C3orf33: variants seen among roughly 807,000 people sequenced by gnomAD.
C3orf33 encodes the protein AP-1 activity suppressor.
C3orf33 carries 23 observed loss-of-function variants against 28.7 expected under a neutral mutation model. The ratio of observed to expected loss-of-function variants is 0.80; its 90% CI spans 0.58 to 1.13. C3orf33 has a LOEUF of 1.13. Among genes scored for constraint, C3orf33 ranks in the 50% most tolerant of loss-of-function variants. The pLI, the probability that C3orf33 is intolerant of heterozygous loss-of-function variation, is 0.00. For synonymous variants in C3orf33, 119 were observed against 120.5 expected (o/e 0.99, Z 0.08); for missense variants, 327 against 353.4 (o/e 0.93, Z 0.60).
intron 3 of C3orf33, among the ~76,000 whole-genome samples, chr3:155,771,008 G>A (rs1750569152): frequency 1.1e-5 from 1 of 95,092 alleles, no homozygotes; most frequent in Non-Finnish European, 2.0e-5. Flanking sequence ...ACATAGTTTT[G>A]CTCTGCCACT....
At chr3:155,788,821 T>C (rs1274695619) in intron 2 of C3orf33, among the ~76,000 whole-genome samples, 3 of 152,146 alleles carry the variant, frequency 2.0e-5, no homozygotes, top group Non-Finnish European at 4.4e-5. Flanking sequence ...CTGGATGTCT[T>C]AGCCAGAGCA....
chr3:155,785,807 G>C (rs1751081817), intron 2 of C3orf33, among the ~76,000 whole-genome samples: 2 of 152,124 alleles, frequency 1.3e-5, no homozygotes, highest in Non-Finnish European at 2.9e-5. Flanking sequence ...GGGAGGTCTA[G>C]GTGGGCAGAT....
intron 2 of C3orf33, among the ~76,000 whole-genome samples, chr3:155,788,201 A>G (rs1405180871): frequency 1.3e-5 from 2 of 150,950 alleles, no homozygotes; most frequent in African/African-American, 2.4e-5. Flanking sequence ...AAAAAAAAAA[A>G]GGATAAAATA....
At chr3:155,789,293 C>T (rs1409969551) in intron 2 of C3orf33, among the ~76,000 whole-genome samples, 1 of 141,346 alleles carries the variant, frequency 7.1e-6, no homozygotes, top group Non-Finnish European at 1.5e-5. Flanking sequence ...TGCAGTGAGC[C>T]AAGATTGCGC....
chr3:155,802,496 G>A (rs753514349), intron 2 of C3orf33, 36 bp downstream of exon 2: 30 of 1,506,342 alleles, frequency 2.0e-5, no homozygotes, highest in Admixed American at 3.5e-5. Flanking sequence ...AACTACCTAC[G>A]GCTTGTTGTA....
At chr3:155,799,071 G>C (rs551044662) in intron 2 of C3orf33, among the ~76,000 whole-genome samples, 2 of 152,224 alleles carry the variant, frequency 1.3e-5, no homozygotes, top group South Asian at 4.1e-4. Flanking sequence ...AACTACAATA[G>C]GATATCATCT....
At chr3:155,788,048 G>A (rs983216131) in intron 2 of C3orf33, among the ~76,000 whole-genome samples, 22 of 151,878 alleles carry the variant, frequency 1.4e-4, no homozygotes, top group South Asian at 4.2e-4. Flanking sequence ...AAAATTAGCC[G>A]GGCGTGGTGG....
chr3:155,799,082 C>A (rs1412238050), intron 2 of C3orf33, among the ~76,000 whole-genome samples: 1 of 152,200 alleles, frequency 6.6e-6, no homozygotes, highest in African/African-American at 2.4e-5. Context: ...GATATCATCT[C>A]ATCCCAATTA....
At chr3:155,802,801 T>A (rs999656504) in intron 1 of C3orf33, among the ~76,000 whole-genome samples, 6 of 152,166 alleles carry the variant, frequency 3.9e-5, no homozygotes, top group Non-Finnish European at 8.8e-5. Flanking sequence ...ACTCAAATTC[T>A]TTCCCAATCT....
At chr3:155,800,906 A>C (rs1230761403) in intron 2 of C3orf33, among the ~76,000 whole-genome samples, 1 of 152,178 alleles carries the variant, frequency 6.6e-6, no homozygotes, top group East Asian at 1.9e-4. Context: ...TAGGATGACT[A>C]CTAACAAAAA....
At chr3:155,771,622 C>T (rs1469904790) in intron 3 of C3orf33, among the ~76,000 whole-genome samples, 1 of 152,128 alleles carries the variant, frequency 6.6e-6, no homozygotes, top group Non-Finnish European at 1.5e-5. Flanking sequence ...GTCTCAAATT[C>T]TTGGGCTCAA....
At position 155,806,154 on chromosome 3, in the gene C3orf33, G is replaced by A; in HGVS notation, c.99C>T (p.His33=). ...VARISQWADD[H]LRLVRNISTG... ...GCCCCAGTACCCGGACTAGGCGCAG[G>A]TGGTCGTCTGCCCACTGCGAGATCC... Residue 33 remains histidine (H), a synonymous_variant, in exon 1 of 5, where the codon CAC becomes CAT. Coordinates refer to ENST00000340171, the MANE Select transcript of C3orf33 (RefSeq NM_001308229.2). The A allele has an allele frequency of 6.8e-7, 1 of 1,471,194 alleles. No homozygotes were observed. The highest frequency in any genetic ancestry group is 9.1e-7 in the Non-Finnish European group (1 of 1,104,810). The allele number at this position is 1,471,194 out of a possible 1,614,324, so 91.1% of individuals were successfully genotyped here.
At position 155,795,246 on chromosome 3, in the gene C3orf33, G is replaced by A. The variant is rs76893640; in HGVS notation, c.174+7286C>T. Among the ~76,000 whole-genome samples, 55 of 151,870 alleles carry A rather than the reference G, an allele frequency of 3.6e-4. 1 individual carries two copies. In the East Asian group the frequency reaches 9.2e-3, roughly 25 times the overall value. ...CGAGGTGGATAGACCACCTGAGTTC[G>A]GGAATTCAAGACCAGGTTGGCCAAC... On this transcript the variant is annotated intron_variant, in intron 2 of 4. Coordinates refer to ENST00000340171, the MANE Select transcript of C3orf33 (RefSeq NM_001308229.2).
At chr3:155,777,680 T>C (rs1251920098) in intron 2 of C3orf33, among the ~76,000 whole-genome samples, 1 of 152,154 alleles carries the variant, frequency 6.6e-6, no homozygotes, top group Non-Finnish European at 1.5e-5. Context: ...CAAACAATCC[T>C]CCTGCCTCAT....
Position 155,775,837 on chromosome 3 carries a change from A to T in C3orf33, c.186T>A (p.Phe62Leu). 6.3e-7 allele frequency: 1 copy of T among 1,589,260 alleles called. No individual in the cohort carries two copies. Among genetic ancestry groups the T allele is most frequent in the Non-Finnish European group, 8.6e-7 (1 of 1,162,746 alleles). ...LLRSIRLTSK[F>L]TSSSDIPVEF... ...CTACTGGAATATCCGAAGAGCTTGT[A>T]AATTTTGATGTCTATTGATTTACAG... The change falls in exon 3 of 5, where the codon TTT becomes TTA. Residue 62 changes from phenylalanine to leucine, a missense_variant. Phe to Leu is a conservative substitution (Grantham distance 22, BLOSUM62 0). Coordinates refer to ENST00000340171, the MANE Select transcript of C3orf33 (RefSeq NM_001308229.2).
chr3:155,805,254 G>A (rs1197771448), intron 1 of C3orf33, among the ~76,000 whole-genome samples: 3 of 151,756 alleles, frequency 2.0e-5, no homozygotes, highest in African/African-American at 7.3e-5. Context: ...CTTGAGACCA[G>A]GAGTTCAAGG....
chr3:155,766,504 A>C (rs1368905504), intron 4 of C3orf33, among the ~76,000 whole-genome samples: 1 of 152,242 alleles, frequency 6.6e-6, no homozygotes, highest in Non-Finnish European at 1.5e-5. Flanking sequence ...CAGACTAAGC[A>C]AACCGTCAGA....
rs574562657 is a variant in C3orf33, at chr3:155,764,883, G to T, written c.484-965C>A. ...GAAAATAAATAAATAAATAAAAGGA[G>T]ATCCTGCCTAGATATTTCTACAATC... On this transcript the variant is annotated intron_variant, in intron 4 of 4. Transcript: ENST00000340171. 2.0e-5 allele frequency among the ~76,000 whole-genome samples: 3 copies of T among 152,078 alleles called. No individual in the cohort carries two copies. The South Asian group carries it at 6.2e-4, about 32-fold the overall frequency.
intron 4 of C3orf33, among the ~76,000 whole-genome samples, chr3:155,764,240 A>G (rs1750326258): frequency 6.6e-6 from 1 of 152,142 alleles, no homozygotes; most frequent in African/African-American, 2.4e-5. Flanking sequence ...TGTGGAGGGG[A>G]AGTGGGACAC....
Sources: allele counts gnomAD v4.1 joint callset (sites outside exome capture counted in the v4.1 genomes callset), GRCh38; gene constraint gnomAD v4.1.1; transcripts MANE v1.5; gene names NCBI Gene and HGNC (gene_info 2026-07-23, HGNC 2026-07-21).